KCNIP4: variants seen among roughly 807,000 people sequenced by gnomAD.
KCNIP4 encodes Kv channel-interacting protein 4.
A neutral mutation model predicts 34.0 loss-of-function variants in KCNIP4; 12 were observed. The observed-to-expected ratio is 0.35, with a 90% CI of 0.23 to 0.57. The LOEUF (loss-of-function observed/expected upper bound fraction) is 0.57, where lower values mean the gene tolerates loss of function less well. Among genes scored for constraint, KCNIP4 ranks in the 20% least tolerant of loss-of-function variants. The pLI is 0.83. For synonymous variants in KCNIP4, 124 were observed against 102.2 expected (o/e 1.21, Z -1.29); for missense variants, 238 against 311.7 (o/e 0.76, Z 1.78).
chr4:20,906,531 A>C (rs193045076), intron 1 of KCNIP4, among the ~76,000 whole-genome samples: 22 of 152,272 alleles, frequency 1.4e-4, no homozygotes, highest in Non-Finnish European at 2.5e-4. Flanking sequence ...TACAAGAGAG[A>C]GCAGTCAAAA....
chr4:21,791,939 T>C lies in KCNIP4; in HGVS notation c.61+156632A>G, dbSNP rs564078460. On this transcript the variant is annotated intron_variant, in intron 1 of 8. Coordinates refer to ENST00000382152, the MANE Select transcript of KCNIP4 (RefSeq NM_025221.6). The stretch of plus-strand genomic sequence containing the variant: ...ATCACTTGAACTCGGGAGGCGGAGG[T>C]TGCAGTGAGCCGAGATTGCACCGCT... Among the ~76,000 whole-genome samples, 7 of 131,898 alleles carry C rather than the reference T, an allele frequency of 5.3e-5. 1 individual carries two copies. In the South Asian group the frequency reaches 1.7e-3, roughly 33 times the overall value. 86.5% of individuals were successfully genotyped at this position (131,898 alleles called of 152,430 possible).
chr4:21,091,061 T>G (rs1301644395), intron 1 of KCNIP4, among the ~76,000 whole-genome samples: 1 of 152,194 alleles, frequency 6.6e-6, no homozygotes, highest in East Asian at 1.9e-4. Flanking sequence ...TTTTCAACTT[T>G]CTAATGCCTG....
intron 3 of KCNIP4, among the ~76,000 whole-genome samples, chr4:20,819,734 G>C (rs1716871229): frequency 6.6e-6 from 1 of 152,166 alleles, no homozygotes; most frequent in African/African-American, 2.4e-5. Flanking sequence ...TGTTACATGA[G>C]AGGTTGAAGG....
chr4:21,497,657 T>A (rs953421806), intron 1 of KCNIP4, among the ~76,000 whole-genome samples: 1 of 152,188 alleles, frequency 6.6e-6, no homozygotes, highest in Non-Finnish European at 1.5e-5. Flanking sequence ...AGGAAGAGTA[T>A]GTCTCAAACT....
At chr4:21,433,893 C>T (rs1726723050) in intron 1 of KCNIP4, among the ~76,000 whole-genome samples, 1 of 152,136 alleles carries the variant, frequency 6.6e-6, no homozygotes, top group Admixed American at 6.5e-5. Flanking sequence ...AGACAAATAA[C>T]AATTATTAAT....
chr4:21,545,335 C>A lies in KCNIP4; in HGVS notation c.61+403236G>T, dbSNP rs559669931. Among the ~76,000 whole-genome samples, 4 of 151,752 alleles carry A rather than the reference C, an allele frequency of 2.6e-5. No individual in the cohort carries two copies. The South Asian group carries it at 8.4e-4, about 32-fold the overall frequency. The stretch of plus-strand genomic sequence containing the variant: ...CCATAAAAAAGGGCAATCAGCAGCC[C>A]TCGGGGCTGCTCTGCCCATGGAGTA... On this transcript the variant is annotated intron_variant, in intron 1 of 8. Transcript: ENST00000382152.
chr4:21,291,850 C>T (rs1296606910), intron 1 of KCNIP4, among the ~76,000 whole-genome samples: 1 of 58,668 alleles, frequency 1.7e-5, no homozygotes, highest in South Asian at 6.7e-4. Context: ...TTAGACTCCG[C>T]CTCAAAAAAA....
intron 1 of KCNIP4, among the ~76,000 whole-genome samples, chr4:21,124,451 C>T (rs1750439232): frequency 6.6e-6 from 1 of 152,168 alleles, no homozygotes; most frequent in African/African-American, 2.4e-5. Flanking sequence ...TCTGCTTCTT[C>T]CATCTGAAAA....
intron 1 of KCNIP4, among the ~76,000 whole-genome samples, chr4:21,715,356 T>C (rs112338403): frequency 3.3e-5 from 5 of 152,088 alleles, no homozygotes; most frequent in African/African-American, 1.2e-4. Flanking sequence ...GGTCTTGCTC[T>C]CCTGACCTTG....
At chr4:20,930,860 G>A (rs763664287) in intron 1 of KCNIP4, among the ~76,000 whole-genome samples, 7 of 151,662 alleles carry the variant, frequency 4.6e-5, no homozygotes, top group Admixed American at 1.3e-4. Flanking sequence ...AAGACAAGAG[G>A]TTACTGCTGG....
rs1014462593 is a variant in KCNIP4 at position 21,757,139 on chromosome 4, G to T, written c.61+191432C>A. Among the ~76,000 whole-genome samples the T allele has an allele frequency of 5.3e-4, 13 of 24,458 alleles. 1 individual carries two copies. Among genetic ancestry groups the T allele is most frequent in the East Asian group, 1.4e-3 (1 of 698 alleles). The allele number at this position is 24,458 out of a possible 152,430, so 16.0% of individuals were successfully genotyped here. On this transcript the variant is annotated intron_variant, in intron 1 of 8. Transcript: ENST00000382152. The stretch of plus-strand genomic sequence containing the variant: ...AGAAAGAAAGAAAGAAAGAAAGAAA[G>T]AAAGAAAGAAAGAAAGAAAGAAAGA...
intron 2 of KCNIP4, among the ~76,000 whole-genome samples, chr4:20,860,923 T>C (rs1197854411): frequency 6.6e-6 from 1 of 152,202 alleles, no homozygotes; most frequent in Non-Finnish European, 1.5e-5. Context: ...AAAGCGAATT[T>C]TCATGGCACT....
At chr4:21,256,071 T>A (rs1304457987) in intron 1 of KCNIP4, among the ~76,000 whole-genome samples, 1 of 150,890 alleles carries the variant, frequency 6.6e-6, no homozygotes, top group South Asian at 2.1e-4. Flanking sequence ...AAAATTAGGA[T>A]AATAAAATAC....
chr4:21,455,829 A>G (rs1350732825), intron 1 of KCNIP4, among the ~76,000 whole-genome samples: 1 of 117,934 alleles, frequency 8.5e-6, no homozygotes, highest in Non-Finnish European at 1.7e-5. Flanking sequence ...ATATATATAT[A>G]TATATATATA....
At chr4:21,889,266 T>C (rs567693905) in intron 1 of KCNIP4, among the ~76,000 whole-genome samples, 116 of 152,230 alleles carry the variant, frequency 7.6e-4, no homozygotes, top group Non-Finnish European at 1.5e-3. Context: ...AAATTATCCT[T>C]GGGCTATGTA....
intron 1 of KCNIP4, among the ~76,000 whole-genome samples, chr4:21,412,499 G>C (rs1455820218): frequency 6.6e-6 from 1 of 152,194 alleles, no homozygotes; most frequent in Non-Finnish European, 1.5e-5. Flanking sequence ...TTGGTTAATT[G>C]ACTTGACTGT....
intron 1 of KCNIP4, among the ~76,000 whole-genome samples, chr4:21,153,152 A>T (rs1208287057): frequency 6.6e-6 from 1 of 152,170 alleles, no homozygotes; most frequent in Non-Finnish European, 1.5e-5. Context: ...CTAGACTCCT[A>T]GTAGTAGAAT....
chr4:21,092,493 A>G (rs1747084756), intron 1 of KCNIP4, among the ~76,000 whole-genome samples: 1 of 152,190 alleles, frequency 6.6e-6, no homozygotes, highest in African/African-American at 2.4e-5. Context: ...TTTGCAAAAT[A>G]TATGTTATGG....
At chr4:21,870,492 G>C (rs1419981068) in intron 1 of KCNIP4, among the ~76,000 whole-genome samples, 3 of 152,190 alleles carry the variant, frequency 2.0e-5, no homozygotes, top group Admixed American at 2.0e-4. Flanking sequence ...TACATGTGAT[G>C]CATGTTAGAA....
Sources: allele counts gnomAD v4.1 joint callset (sites outside exome capture counted in the v4.1 genomes callset), GRCh38; gene constraint gnomAD v4.1.1; transcripts MANE v1.5; gene names NCBI Gene and HGNC (gene_info 2026-07-23, HGNC 2026-07-21).